Variants in ASCL3 observed in about 807,000 individuals in gnomAD.
The protein encoded by ASCL3 is achaete-scute family bHLH transcription factor 3.
In ASCL3, 1 loss-of-function variant was observed where a neutral mutation model predicts 2.3. That is an observed-to-expected ratio of 0.44 (90% CI 0.16 to 2.10). The LOEUF (loss-of-function observed/expected upper bound fraction) is 2.10, where lower values mean the gene tolerates loss of function less well. ASCL3 is among the 30% of genes most tolerant of loss of function. The pLI, the probability that ASCL3 is intolerant of heterozygous loss-of-function variation, is 0.28. For missense variants in ASCL3, 243 were observed against 229.0 expected (o/e 1.06, Z -0.40); for synonymous variants, 98 against 88.5 (o/e 1.11, Z -0.60).
chr11:8,937,901 C>T lies in ASCL3; in HGVS notation c.261G>A (p.Glu87=), dbSNP rs202115947. The change falls in exon 2 of 2, where the codon GAG becomes GAA. Residue 87 remains glutamate (E), a synonymous_variant. Transcript: ENST00000531618. Reference sequence around the variant, plus strand: ...GGGTGAAGGCTGGCCCGTAGGAGTACTCGCACCCTCTGTAATTTGGATAAG... The same window carrying T: ...GGGTGAAGGCTGGCCCGTAGGAGTATTCGCACCCTCTGTAATTTGGATAAG... The part of the protein sequence containing the change: ...PMPYPNYRGC[E]YSYGPAFTRK... 13 of 1,614,120 alleles carry T rather than the reference C, an allele frequency of 8.1e-6. No individual in the cohort carries two copies. In the African/African-American group the frequency reaches 1.1e-4, roughly 13 times the overall value.
chr11:8,939,695 A>G (rs1156341559), intron 1 of ASCL3, among the ~76,000 whole-genome samples: 1 of 152,176 alleles, frequency 6.6e-6, no homozygotes. Context: ...GAAACACCAA[A>G]ATACCCAAAT....
chr11:8,938,943 A>G (rs1482358572), intron 1 of ASCL3, among the ~76,000 whole-genome samples: 1 of 151,536 alleles, frequency 6.6e-6, no homozygotes, highest in Non-Finnish European at 1.5e-5. Flanking sequence ...AGCTGGGACC[A>G]TACGTGGCCA....
Position 8,937,884 on chromosome 11 carries a change from G to A in ASCL3, c.278C>T (p.Ala93Val), listed in dbSNP as rs746400903. 1.9e-6 allele frequency: 3 copies of A among 1,614,144 alleles called. No homozygotes were observed. Among genetic ancestry groups the A allele is most frequent in the Middle Eastern group, 1.7e-4 (1 of 6,058 alleles). ...YRGCEYSYGPAFTRKRNERER... is the reference protein window; with the variant it reads ...YRGCEYSYGPVFTRKRNERER... ...CCGCTCATTCCTTTTCCGGGTGAAG[G>A]CTGGCCCGTAGGAGTACTCGCACCC... Residue 93 changes from alanine to valine, a missense_variant, in exon 2 of 2, where the codon GCC becomes GTC. By Grantham distance (64) the Ala-to-Val change is moderately conservative. Coordinates refer to ENST00000531618, the MANE Select transcript of ASCL3 (RefSeq NM_020646.3).
chr11:8,942,546 T>C (rs1401133769), intron 1 of ASCL3, among the ~76,000 whole-genome samples: 1 of 152,098 alleles, frequency 6.6e-6, no homozygotes, highest in Admixed American at 6.6e-5. Context: ...GAGGTCTTAA[T>C]GATAAAATTG....
chr11:8,937,904 G>T lies in ASCL3; in HGVS notation c.258C>A (p.Cys86Ter), dbSNP rs201512605. ...FPMPYPNYRG[C>*]EYSYGPAFTR... Reference sequence around the variant, plus strand: ...TGAAGGCTGGCCCGTAGGAGTACTCGCACCCTCTGTAATTTGGATAAGGCA... The same window carrying T: ...TGAAGGCTGGCCCGTAGGAGTACTCTCACCCTCTGTAATTTGGATAAGGCA... Residue 86 changes from cysteine to a stop codon, truncating the protein, a stop_gained, in exon 2 of 2, where the codon TGC becomes TGA. Coordinates refer to ENST00000531618, the MANE Select transcript of ASCL3 (RefSeq NM_020646.3). LOFTEE classifies it high-confidence loss of function. 6.2e-7 allele frequency: 1 copy of T among 1,614,040 alleles called. No homozygotes were observed. The highest frequency in any genetic ancestry group is 8.5e-7 in the Non-Finnish European group (1 of 1,179,998).
intron 1 of ASCL3, among the ~76,000 whole-genome samples, chr11:8,940,857 T>G (rs1213962638): frequency 6.6e-6 from 1 of 152,182 alleles, no homozygotes; most frequent in Non-Finnish European, 1.5e-5. Context: ...TTAGGTATTA[T>G]AAGTAATACA....
At chr11:8,940,866 C>G (rs1277379958) in intron 1 of ASCL3, among the ~76,000 whole-genome samples, 1 of 152,088 alleles carries the variant, frequency 6.6e-6, no homozygotes, top group Non-Finnish European at 1.5e-5. Flanking sequence ...ATAAGTAATA[C>G]AGAGATGATT....
intron 1 of ASCL3, among the ~76,000 whole-genome samples, chr11:8,939,892 C>T (rs2064697882): frequency 6.6e-6 from 1 of 152,156 alleles, no homozygotes; most frequent in Middle Eastern, 3.4e-3. Flanking sequence ...AAAACATAGT[C>T]AATATACAAG....
In ASCL3 at chr11:8,937,930, T is replaced by C. The variant is rs752542144; in HGVS notation, c.232A>G (p.Met78Val). Residue 78 changes from methionine (M) to valine (V), a missense_variant, in exon 2 of 2, where the codon ATG becomes GTG. Coordinates refer to ENST00000531618, the MANE Select transcript of ASCL3 (RefSeq NM_020646.3). The part of the protein sequence containing the change: ...YSEPCPFSFP[M>V]PYPNYRGCEY... ...CACCCTCTGTAATTTGGATAAGGCA[T>C]CGGGAAAGAGAAGGGGCAGGGTTCA... 1.2e-6 allele frequency: 2 copies of C among 1,614,002 alleles called. No individual in the cohort carries two copies. The highest frequency in any genetic ancestry group is 4.5e-5 in the East Asian group (2 of 44,878).
rs367626662 is a variant in ASCL3, at chr11:8,937,970, G to C, written c.192C>G (p.Ile64Met). The part of the protein sequence containing the change: ...PRLPFPSDSL[I>M]LGNYSEPCPF... ...GGCAGGGTTCACTGTAATTTCCCAG[G>C]ATAAGAGAGTCGCTGGGAAAAGGCA... Residue 64 changes from isoleucine to methionine, a missense_variant, in exon 2 of 2, where the codon ATC becomes ATG. Ile to Met is a conservative substitution (Grantham distance 10). Coordinates refer to ENST00000531618, the MANE Select transcript of ASCL3 (RefSeq NM_020646.3). The C allele has an allele frequency of 6.2e-7, 1 of 1,613,908 alleles. No individual in the cohort carries two copies. The highest frequency in any genetic ancestry group is 1.7e-5 in the Admixed American group (1 of 59,988).
At position 8,938,072 on chromosome 11, in the gene ASCL3, A is replaced by T. The variant is rs150048631; in HGVS notation, c.90T>A (p.Tyr30Ter). 63 of 1,613,896 alleles carry T rather than the reference A, an allele frequency of 3.9e-5. No individual in the cohort carries two copies. The highest frequency in any genetic ancestry group is 4.9e-5 in the Non-Finnish European group (58 of 1,179,954). Residue 30 changes from tyrosine to a stop codon, truncating the protein, a stop_gained, in exon 2 of 2, where the codon TAT becomes TAA. Transcript: ENST00000531618. LOFTEE classifies it high-confidence loss of function. ...CGTGGAAAGTGACCATGGGCTCCAGATAGAAGGACCTGGTCAGTGGCAAGC... is the reference window on the plus strand; with the variant it reads ...CGTGGAAAGTGACCATGGGCTCCAGTTAGAAGGACCTGGTCAGTGGCAAGC... ...SARLPLTRSF[Y>*]LEPMVTFHVH... is the part of the protein sequence containing the mutation.
At position 8,938,029 on chromosome 11, in the gene ASCL3, C is replaced by T. The variant is rs750904681; in HGVS notation, c.133G>A (p.Val45Met). ...VTFHVHPEAP[V>M]SSPYSEELPR... ...AGCTCCTCAGAGTAAGGGGATGACA[C>T]CGGGGCCTCTGGGTGCACGTGGAAA... Residue 45 changes from valine to methionine, a missense_variant, in exon 2 of 2, where the codon GTG becomes ATG. Physicochemically the swap from Val to Met is conservative, Grantham distance 21. Coordinates refer to ENST00000531618, the MANE Select transcript of ASCL3 (RefSeq NM_020646.3). 4.3e-6 allele frequency: 7 copies of T among 1,613,900 alleles called. No individual in the cohort carries two copies. The highest frequency in any genetic ancestry group is 5.9e-6 in the Non-Finnish European group (7 of 1,179,968).
At position 8,938,976 on chromosome 11, in the gene ASCL3, G is replaced by T. The variant is rs542542262; in HGVS notation, c.-12-803C>A. 2.0e-5 allele frequency among the ~76,000 whole-genome samples: 3 copies of T among 151,300 alleles called. No individual in the cohort carries two copies. The South Asian group carries it at 6.3e-4, about 32-fold the overall frequency. On this transcript the variant is annotated intron_variant, in intron 1 of 1. Transcript: ENST00000531618. ...CCATCACCACGCCTGGCTAAGTTTT[G>T]TATGTTTTTGTAGAGACAGGGTCTT... is the stretch of plus-strand genomic sequence containing the variant.
intron 1 of ASCL3, among the ~76,000 whole-genome samples, chr11:8,940,596 C>T (rs964813511): frequency 3.3e-5 from 5 of 152,114 alleles, no homozygotes; most frequent in African/African-American, 9.7e-5. Flanking sequence ...TCTGAGCTTT[C>T]GCTTTCCCCA....
intron 1 of ASCL3, among the ~76,000 whole-genome samples, chr11:8,942,402 A>C (rs930908870): frequency 1.3e-5 from 2 of 152,156 alleles, no homozygotes; most frequent in Non-Finnish European, 2.9e-5. Flanking sequence ...ATTGAGTATA[A>C]GTTTTTAAAA....
At chr11:8,941,078 T>C (rs1438625705) in intron 1 of ASCL3, among the ~76,000 whole-genome samples, 1 of 152,098 alleles carries the variant, frequency 6.6e-6, no homozygotes, top group Non-Finnish European at 1.5e-5. Flanking sequence ...TTATGTAGCG[T>C]TCCTTTCTAA....
Position 8,937,898 on chromosome 11 carries a change from G to A in ASCL3, c.264C>T (p.Tyr88=), listed in dbSNP as rs2064687608. 9.9e-6 allele frequency: 16 copies of A among 1,614,036 alleles called. No individual in the cohort carries two copies. The highest frequency in any genetic ancestry group is 2.2e-5 in the East Asian group (1 of 44,898). Residue 88 remains tyrosine (Y), a synonymous_variant, in exon 2 of 2, where the codon TAC becomes TAT. Transcript: ENST00000531618. ...MPYPNYRGCE[Y]SYGPAFTRKR... Reference sequence around the variant, plus strand: ...TCCGGGTGAAGGCTGGCCCGTAGGAGTACTCGCACCCTCTGTAATTTGGAT... The same window carrying A: ...TCCGGGTGAAGGCTGGCCCGTAGGAATACTCGCACCCTCTGTAATTTGGAT...
rs954283903 is a variant in ASCL3, at chr11:8,937,714, A to G, written c.448T>C (p.Tyr150His). 2.5e-6 allele frequency: 4 copies of G among 1,613,942 alleles called. No homozygotes were observed. The African/African-American group carries it at 5.3e-5, about 22-fold the overall frequency. ...TTCTTGGTCTCAGCTTTATCAGGGTACAGAAGAGACTGCAGGTAGTTAATG... is the reference window on the plus strand; with the variant it reads ...TTCTTGGTCTCAGCTTTATCAGGGTGCAGAAGAGACTGCAGGTAGTTAATG... Reference protein sequence around the residue: ...KYINYLQSLLYPDKAETKNNP... With the variant: ...KYINYLQSLLHPDKAETKNNP... The change falls in exon 2 of 2, where the codon TAC becomes CAC. Residue 150 changes from tyrosine (Y) to histidine (H), a missense_variant. Transcript: ENST00000531618.
In ASCL3 at chr11:8,939,710, G is replaced by T. The variant is rs148359870; in HGVS notation, c.-12-1537C>A. On this transcript the variant is annotated intron_variant, in intron 1 of 1. Transcript: ENST00000531618. ...GAAACACCAAAATACCCAAATATAT[G>T]CAAGGGAAATTATGAATTAGTTAAT... 4.0e-4 allele frequency among the ~76,000 whole-genome samples: 61 copies of T among 152,230 alleles called. 1 individual carries two copies. Among genetic ancestry groups the T allele is most frequent in the Non-Finnish European group, 7.8e-4 (53 of 68,014 alleles).
Sources: gnomAD v4.1 joint callset for allele counts (sites outside exome capture counted in the v4.1 genomes callset) on GRCh38, gnomAD v4.1.1 for gene constraint, MANE v1.5 for transcripts, NCBI Gene and HGNC (gene_info 2026-07-23, HGNC 2026-07-21) for gene names.